The following NFAM1 variants were observed in gnomAD, a reference collection of about 807,000 sequenced individuals.
NFAM1 encodes the protein NFAT activating protein with ITAM motif 1.
Under a neutral mutation model 29.0 loss-of-function variants are expected in NFAM1, and 17 were observed. The observed-to-expected ratio is 0.59, with a 90% CI of 0.40 to 0.88. The LOEUF (loss-of-function observed/expected upper bound fraction) is 0.88, where lower values mean the gene tolerates loss of function less well. Among genes scored for constraint, NFAM1 ranks in the 40% least tolerant of loss-of-function variants. The pLI is 0.00. For synonymous variants in NFAM1, 175 were observed against 147.2 expected (o/e 1.19, Z -1.36); for missense variants, 324 against 344.6 (o/e 0.94, Z 0.47).
chr22:42,402,620 G>T (rs1929759708), intron 3 of NFAM1, among the ~76,000 whole-genome samples: 1 of 151,708 alleles, frequency 6.6e-6, no homozygotes, highest in Non-Finnish European at 1.5e-5. Context: ...CGGGAGGCCT[G>T]CTGTGCCCAA....
chr22:42,399,907 C>T (rs372282905), intron 3 of NFAM1, among the ~76,000 whole-genome samples: 4 of 152,210 alleles, frequency 2.6e-5, no homozygotes, highest in Non-Finnish European at 4.4e-5. Flanking sequence ...CAGAAGCCGG[C>T]GCCACCCCCA....
intron 4 of NFAM1, among the ~76,000 whole-genome samples, chr22:42,391,396 T>C (rs1929337353): frequency 6.6e-6 from 1 of 151,850 alleles, no homozygotes. Context: ...AGGATAAAAA[T>C]AGACCAGCTG....
chr22:42,433,333 T>G (rs1930865437), upstream of NFAM1, among the ~76,000 whole-genome samples: 1 of 152,160 alleles, frequency 6.6e-6, no homozygotes, highest in Non-Finnish European at 1.5e-5. Flanking sequence ...GCTGAGCGCT[T>G]ACCTCCCTTC....
chr22:42,421,429 G>C (rs1029160301), intron 1 of NFAM1, among the ~76,000 whole-genome samples: 1 of 141,846 alleles, frequency 7.0e-6, no homozygotes, highest in Non-Finnish European at 1.5e-5. Context: ...TGGGCAGTAA[G>C]AGTGAAACTC....
upstream of NFAM1, among the ~76,000 whole-genome samples, chr22:42,434,472 A>G (rs1438108866): frequency 6.6e-6 from 1 of 152,158 alleles, no homozygotes; most frequent in Non-Finnish European, 1.5e-5. Flanking sequence ...CTCATTGCCC[A>G]GTTTCTGAGA....
At position 42,409,253 on chromosome 22, in the gene NFAM1, C is replaced by A. The variant is rs749543329; in HGVS notation, c.564+182G>T. Reference sequence around the variant, plus strand: ...AACAAGATCAAAAGGCACCCCATGGCAGCACAGGGAGTGGCACAGGAGGGA... The same window carrying A: ...AACAAGATCAAAAGGCACCCCATGGAAGCACAGGGAGTGGCACAGGAGGGA... On this transcript the variant is annotated intron_variant, in intron 3 of 5. Transcript: ENST00000329021. This position sits in a 1 kb window ranked among gnomAD's most constrained non-coding sequence, Gnocchi z 4.9. Among the ~76,000 whole-genome samples, 34 of 152,188 alleles carry A rather than the reference C, an allele frequency of 2.2e-4. No individual in the cohort carries two copies. Among genetic ancestry groups the A allele is most frequent in the Non-Finnish European group, 4.7e-4 (32 of 68,040 alleles).
At chr22:42,410,128 C>G (rs1327741902) in intron 2 of NFAM1, 2 of 160,904 alleles carry the variant, frequency 1.2e-5, no homozygotes, top group Non-Finnish European at 2.7e-5. Context: ...TGTCAGCCAC[C>G]AGCCCATATG....
At chr22:42,398,548 G>A (rs1929616708) in intron 3 of NFAM1, among the ~76,000 whole-genome samples, 2 of 151,944 alleles carry the variant, frequency 1.3e-5, no homozygotes, top group South Asian at 4.2e-4. Context: ...GAGCAGCTGG[G>A]ACTACGGGCA....
At chr22:42,423,344 G>C (rs1009584517) in intron 1 of NFAM1, among the ~76,000 whole-genome samples, 3 of 152,012 alleles carry the variant, frequency 2.0e-5, no homozygotes, top group Admixed American at 6.6e-5. Flanking sequence ...GGGGTTCCTG[G>C]GAAGGCAACT....
rs1930828193 is a variant in NFAM1, at chr22:42,432,230, A to T, written c.121+7T>A. ...AGAGTAGAGAGAAGGAGGAAGACAG[A>T]CACTACCTGCCAGTCGCAGGGTCCC... On this transcript the variant is annotated splice_region_variant and intron_variant, in intron 1 of 5. Transcript: ENST00000329021. The T allele has an allele frequency of 6.4e-7, 1 of 1,568,648 alleles. No homozygotes were observed. Among genetic ancestry groups the T allele is most frequent in the Non-Finnish European group, 8.6e-7 (1 of 1,156,216 alleles).
At chr22:42,404,132 G>A (rs979231917) in intron 3 of NFAM1, among the ~76,000 whole-genome samples, 1 of 152,100 alleles carries the variant, frequency 6.6e-6, no homozygotes, top group Non-Finnish European at 1.5e-5. Context: ...TCTTCCCGGG[G>A]GTGTGAGCTC....
intron 3 of NFAM1, among the ~76,000 whole-genome samples, chr22:42,406,567 A>G (rs531131599): frequency 6.6e-6 from 1 of 151,900 alleles, no homozygotes; most frequent in African/African-American, 2.4e-5. Flanking sequence ...TGCATCCACT[A>G]TTCTCCCACT....
Position 42,383,434 on chromosome 22 carries a change from A to G in NFAM1, c.*1727T>C, listed in dbSNP as rs1929025423. 1 of 152,678 alleles carries G rather than the reference A, an allele frequency of 6.5e-6. No individual in the cohort carries two copies. The highest frequency in any genetic ancestry group is 1.9e-4 in the East Asian group (1 of 5,190). The allele number at this position is 152,678 out of a possible 1,614,324, so 9.5% of individuals were successfully genotyped here. ...CCCAAACAGGCCCGGAGTTCATTCA[A>G]ATCCAGCCTCTGGGAGCAGGGGCCT... is the stretch of plus-strand genomic sequence containing the variant. On this transcript the variant is annotated 3_prime_UTR_variant, in exon 6 of 6. Transcript: ENST00000329021.
rs1022629259 is a variant in NFAM1 at position 42,409,584 on chromosome 22, C to T, written c.452-37G>A. 8 of 1,107,844 alleles carry T rather than the reference C, an allele frequency of 7.2e-6. No individual in the cohort carries two copies. Among genetic ancestry groups the T allele is most frequent in the Non-Finnish European group, 1.0e-5 (8 of 788,948 alleles). The allele number at this position is 1,107,844 out of a possible 1,614,324, so 68.6% of individuals were successfully genotyped here. On this transcript the variant is annotated intron_variant, in intron 2 of 5. Coordinates refer to ENST00000329021, the MANE Select transcript of NFAM1 (RefSeq NM_145912.8). This position sits in a 1 kb window ranked among gnomAD's most constrained non-coding sequence, Gnocchi z 4.9. ...CGCAGGGGAGCAGAGGGGTCAGTGACCCAGGAGAAAGCGGGGCACACACAC... is the reference window on the plus strand; with the variant it reads ...CGCAGGGGAGCAGAGGGGTCAGTGATCCAGGAGAAAGCGGGGCACACACAC...
At chr22:42,385,678 G>A (rs776737709) in intron 5 of NFAM1, among the ~76,000 whole-genome samples, 3 of 149,848 alleles carry the variant, frequency 2.0e-5, no homozygotes, top group Admixed American at 2.0e-4. Context: ...TGGGGTCAGC[G>A]ACCTATTCCT....
At chr22:42,399,460 AAAAG>A (rs1438816325) in intron 3 of NFAM1, among the ~76,000 whole-genome samples, 1,662 of 106,802 alleles carry the variant, frequency 0.016, 49 homozygotes, top group African/African-American at 0.061. Flanking sequence ...AAAAAAAAAA[AAAAG>A]AAAGAAAGAA....
chr22:42,383,229 G>C lies in NFAM1; in HGVS notation c.*1932C>G, dbSNP rs1412427682. 1 of 153,010 alleles carries C rather than the reference G, an allele frequency of 6.5e-6. No homozygotes were observed. The highest frequency in any genetic ancestry group is 1.9e-4 in the East Asian group (1 of 5,220). 9.5% of individuals were successfully genotyped at this position (153,010 alleles called of 1,614,324 possible). A position where few individuals can be genotyped will look rare whatever the true frequency, so the allele number is the denominator to read the frequency against. ...CTGAGGTCAGAGAGGCCCAGGAGGT[G>C]GGGGAGGCAGGCCCAGTGAGGTGGC... On this transcript the variant is annotated 3_prime_UTR_variant, in exon 6 of 6. Transcript: ENST00000329021.
chr22:42,423,653 A>ACCACTTTGAGTCCAT (rs1456304795), intron 1 of NFAM1, among the ~76,000 whole-genome samples: 1 of 151,692 alleles, frequency 6.6e-6, no homozygotes, highest in African/African-American at 2.4e-5. Flanking sequence ...CAGGAGTTTG[A>ACCACTTTGAGTCCAT]GGCTGCAGTG....
At chr22:42,402,422 C>T (rs2147101007) in intron 3 of NFAM1, among the ~76,000 whole-genome samples, 1 of 152,178 alleles carries the variant, frequency 6.6e-6, no homozygotes, top group East Asian at 1.9e-4. Context: ...GGGAATGCCA[C>T]CCGCAGAGCA....
Sources: gnomAD v4.1 joint callset for allele counts (sites outside exome capture counted in the v4.1 genomes callset) on GRCh38, gnomAD v4.1.1 for gene constraint, Gnocchi (gnomAD v3.1) non-coding constraint, MANE v1.5 for transcripts, NCBI Gene and HGNC (gene_info 2026-07-23, HGNC 2026-07-21) for gene names.